The following SNX16 variants were observed in gnomAD, a reference collection of about 807,000 sequenced individuals.
SNX16 encodes sorting nexin 16.
Under a neutral mutation model 36.7 loss-of-function variants are expected in SNX16, and 35 were observed. The observed-to-expected ratio is 0.95, with a 90% CI of 0.73 to 1.27. The LOEUF is 1.27. Among genes scored for constraint, SNX16 ranks in the 50% most tolerant of loss-of-function variants. SNX16 has a pLI of 0.00. For missense variants in SNX16, 367 were observed against 393.6 expected (o/e 0.93, Z 0.57); for synonymous variants, 134 against 132.0 (o/e 1.02, Z -0.10).
At chr8:81,808,760 G>T (rs1191500444) in intron 5 of SNX16, 1 of 1,080,920 alleles carries the variant, frequency 9.3e-7, no homozygotes, top group Non-Finnish European at 1.4e-6. Context: ...AGCAGGAGAG[G>T]AGAGCCAGAG....
chr8:81,807,915 T>G, intron 5 of SNX16: 1 of 769,526 alleles, frequency 1.3e-6, no homozygotes, highest in South Asian at 1.3e-5. Flanking sequence ...TAATGAGAAA[T>G]CCAAACACCA....
At chr8:81,824,079 C>A in intron 3 of SNX16, 139 bp from the exon 4 acceptor site, 1 of 790,018 alleles carries the variant, frequency 1.3e-6, no homozygotes, top group Non-Finnish European at 1.9e-6. Flanking sequence ...GCTTTTTATG[C>A]CTTGTTTTAT....
intron 3 of SNX16, among the ~76,000 whole-genome samples, chr8:81,825,432 T>C (rs1810966893): frequency 6.6e-6 from 1 of 152,330 alleles, no homozygotes; most frequent in South Asian, 2.1e-4. Context: ...TATTAATGAT[T>C]GTTTCCCATC....
chr8:81,835,595 C>A (rs1262399315), intron 2 of SNX16, among the ~76,000 whole-genome samples: 1 of 152,216 alleles, frequency 6.6e-6, no homozygotes, highest in Non-Finnish European at 1.5e-5. Context: ...CCTAAATCAT[C>A]CCTCTCAAGT....
chr8:81,836,747 C>T (rs930532959), intron 2 of SNX16, among the ~76,000 whole-genome samples: 2 of 152,210 alleles, frequency 1.3e-5, no homozygotes, highest in Non-Finnish European at 2.9e-5. Context: ...TTTGACTGTC[C>T]CCCATCTCGA....
intron 4 of SNX16, among the ~76,000 whole-genome samples, chr8:81,822,306 A>G (rs1384891729): frequency 1.3e-5 from 2 of 152,116 alleles, no homozygotes; most frequent in East Asian, 1.9e-4. Context: ...AGGAAATAGC[A>G]TATTTGAAGG....
At chr8:81,807,964 G>A in intron 5 of SNX16, 1 of 788,706 alleles carries the variant, frequency 1.3e-6, no homozygotes, top group Non-Finnish European at 2.3e-6. Flanking sequence ...ATATGCCACT[G>A]TGGGGGAGGT....
chr8:81,812,728 G>A lies in SNX16; in HGVS notation c.681+2597C>T, dbSNP rs927760728. ...GAAGAGGGCCAGAAATAGTAAACACGTGGATTAAATAAAATAATCTATGAA... is the reference window on the plus strand; with the variant it reads ...GAAGAGGGCCAGAAATAGTAAACACATGGATTAAATAAAATAATCTATGAA... On this transcript the variant is annotated intron_variant, in intron 5 of 7. Transcript: ENST00000345957. Among the ~76,000 whole-genome samples, 8 of 152,014 alleles carry A rather than the reference G, an allele frequency of 5.3e-5. 1 individual carries two copies. Among genetic ancestry groups the A allele is most frequent in the Non-Finnish European group, 8.8e-5 (6 of 67,950 alleles).
chr8:81,807,056 T>C (rs546532179), intron 5 of SNX16, among the ~76,000 whole-genome samples: 1 of 152,190 alleles, frequency 6.6e-6, no homozygotes, highest in East Asian at 1.9e-4. Context: ...CCAAACAAAA[T>C]GGCAATAGGA....
intron 4 of SNX16, among the ~76,000 whole-genome samples, chr8:81,819,845 A>G (rs1810654560): frequency 6.6e-6 from 1 of 152,070 alleles, no homozygotes; most frequent in South Asian, 2.1e-4. Context: ...CATCCATTCA[A>G]TTCGTATTTT....
At chr8:81,824,579 G>A (rs1458222150) in intron 3 of SNX16, among the ~76,000 whole-genome samples, 3 of 151,826 alleles carry the variant, frequency 2.0e-5, no homozygotes, top group Non-Finnish European at 2.9e-5. Flanking sequence ...TTTCTTCTAT[G>A]TGTCTTTCCT....
chr8:81,825,908 T>C (rs1810995669), intron 3 of SNX16, among the ~76,000 whole-genome samples: 1 of 152,118 alleles, frequency 6.6e-6, no homozygotes, highest in Non-Finnish European at 1.5e-5. Context: ...ATTTAATGTA[T>C]CTGGACAGAA....
At chr8:81,808,093 T>C (rs926618146) in intron 5 of SNX16, 9 of 1,190,274 alleles carry the variant, frequency 7.6e-6, no homozygotes, top group Admixed American at 6.8e-5. Flanking sequence ...GAAAAAGATA[T>C]TTATTGGTGG....
chr8:81,817,235 C>T (rs1810535179), intron 4 of SNX16, among the ~76,000 whole-genome samples: 1 of 152,148 alleles, frequency 6.6e-6, no homozygotes, highest in Non-Finnish European at 1.5e-5. Context: ...ATTCAAATTT[C>T]CTCATACTTT....
At chr8:81,837,811 A>AT (rs1233948295) in intron 2 of SNX16, among the ~76,000 whole-genome samples, 1 of 152,138 alleles carries the variant, frequency 6.6e-6, no homozygotes, top group African/African-American at 2.4e-5. Context: ...ATCAGTTTAT[A>AT]TTTTCTAAAA....
chr8:81,804,730 C>T (rs373134616), intron 5 of SNX16, among the ~76,000 whole-genome samples: 4 of 151,996 alleles, frequency 2.6e-5, no homozygotes. Context: ...AAAGTAGAAA[C>T]ATACTTAAAG....
At chr8:81,828,140 C>T (rs983337817) in intron 3 of SNX16, among the ~76,000 whole-genome samples, 23 of 152,062 alleles carry the variant, frequency 1.5e-4, no homozygotes, top group African/African-American at 5.1e-4. Context: ...CAAAGTAAAA[C>T]ACAGATAAAC....
At chr8:81,804,350 CAA>C (rs945178229) in intron 5 of SNX16, among the ~76,000 whole-genome samples, 75 of 151,978 alleles carry the variant, frequency 4.9e-4, no homozygotes, top group African/African-American at 1.7e-3. Flanking sequence ...ATGAAAGTGA[CAA>C]AGACTTAGGT....
At chr8:81,806,998 A>ATAC (rs1432444673) in intron 5 of SNX16, among the ~76,000 whole-genome samples, 3 of 152,170 alleles carry the variant, frequency 2.0e-5, no homozygotes, top group Non-Finnish European at 4.4e-5. Context: ...GGAAGATTCA[A>ATAC]TACTATAAAG....
Sources: allele counts gnomAD v4.1 joint callset (sites outside exome capture counted in the v4.1 genomes callset), GRCh38; gene constraint gnomAD v4.1.1; transcripts MANE v1.5; gene names NCBI Gene and HGNC (gene_info 2026-07-23, HGNC 2026-07-21).